The following CIT variants were observed in gnomAD, a reference collection of about 807,000 sequenced individuals.
The protein encoded by CIT is citron Rho-interacting kinase.
CIT carries 79 observed loss-of-function variants against 272.7 expected under a neutral mutation model. The ratio of observed to expected loss-of-function variants is 0.29; its 90% CI spans 0.24 to 0.35. The LOEUF (loss-of-function observed/expected upper bound fraction) is 0.35. Ranked by LOEUF, CIT falls within the 10% of genes least tolerant of loss-of-function variation. The pLI, the probability that CIT is intolerant of heterozygous loss-of-function variation, is 1.00. For missense variants in CIT, 1,909 were observed against 2,618.3 expected, an observed-to-expected ratio of 0.73 and a Z score of 5.91; for synonymous variants, 948 against 995.6, an observed-to-expected ratio of 0.95 and a Z score of 0.90.
chr12:119,704,696 G>A (rs886776742), intron 40 of CIT, among the ~76,000 whole-genome samples: 1 of 152,144 alleles, frequency 6.6e-6, no homozygotes, highest in African/African-American at 2.4e-5. Flanking sequence ...ATTACCAAAT[G>A]TCCCCTGGTA....
At chr12:119,847,769 T>TA (rs1230798736) in intron 5 of CIT, among the ~76,000 whole-genome samples, 6 of 152,010 alleles carry the variant, frequency 3.9e-5, no homozygotes, top group African/African-American at 1.4e-4. Flanking sequence ...CATGCACCTG[T>TA]AATCCCAGCT....
chr12:119,815,271 T>C (rs1456296545), intron 9 of CIT, among the ~76,000 whole-genome samples: 2 of 151,552 alleles, frequency 1.3e-5, no homozygotes, highest in African/African-American at 4.8e-5. Flanking sequence ...GGTTTTCATT[T>C]GAGAAGAGCA....
chr12:119,850,322 G>A, intron 4 of CIT, 47 bp from the exon 5 acceptor site: 1 of 1,197,594 alleles, frequency 8.4e-7, no homozygotes, highest in Non-Finnish European at 1.2e-6. Context: ...AACTGTGAGA[G>A]GAAAAAGAAG....
intron 40 of CIT, among the ~76,000 whole-genome samples, chr12:119,706,550 G>A (rs1473392261): frequency 6.6e-6 from 1 of 151,860 alleles, no homozygotes; most frequent in African/African-American, 2.4e-5. Flanking sequence ...TTGTTTTTCT[G>A]TTCCTGCATT....
intron 10 of CIT, among the ~76,000 whole-genome samples, chr12:119,796,760 G>A (rs909057223): frequency 1.3e-5 from 2 of 152,188 alleles, no homozygotes; most frequent in Non-Finnish European, 2.9e-5. Context: ...GAGATGGTAC[G>A]TACATTGCAA....
intron 7 of CIT, among the ~76,000 whole-genome samples, chr12:119,827,725 C>G (rs745728247): frequency 1.1e-4 from 17 of 152,136 alleles, no homozygotes; most frequent in Non-Finnish European, 2.2e-4. Context: ...GTGTGAGCCA[C>G]GGAGCCTGGC....
intron 7 of CIT, among the ~76,000 whole-genome samples, chr12:119,826,911 C>G (rs1968213706): frequency 6.6e-6 from 1 of 152,078 alleles, no homozygotes; most frequent in South Asian, 2.1e-4. Context: ...GTCTCCTCTC[C>G]CCGGGGCTGA....
intron 15 of CIT, among the ~76,000 whole-genome samples, 172 bp from the exon 16 acceptor site, chr12:119,776,011 G>C (rs1566025749): frequency 6.6e-6 from 1 of 152,184 alleles, no homozygotes; most frequent in Non-Finnish European, 1.5e-5. Context: ...CTTTGTCCCA[G>C]TGCAAAGCTC....
At chr12:119,719,736 T>C (rs1246892390) in intron 30 of CIT, among the ~76,000 whole-genome samples, 2 of 152,206 alleles carry the variant, frequency 1.3e-5, no homozygotes, top group Non-Finnish European at 2.9e-5. Flanking sequence ...ACTGCTGCTA[T>C]GGTATGCTTC....
At position 119,697,703 on chromosome 12, in the gene CIT, C is replaced by T. The variant is rs371938460; in HGVS notation, c.5838G>A (p.Lys1946=). 14 of 1,614,076 alleles carry T rather than the reference C, an allele frequency of 8.7e-6. No individual in the cohort carries two copies. The highest frequency in any genetic ancestry group is 9.3e-6 in the Non-Finnish European group (11 of 1,180,046). ...RVICCKGNLV[K]ESGTEHHRGP... ...CCCGGTGGTGTTCAGTGCCGGACTC[C>T]TTCACGAGGTTTCCCTTGCAGCAAA... The change falls in exon 46 of 48, where the codon AAG becomes AAA. Residue 1946 remains lysine, a synonymous_variant. Coordinates refer to ENST00000392521, the MANE Select transcript of CIT (RefSeq NM_001206999.2). This position sits in a 1 kb window ranked among gnomAD's most constrained non-coding sequence, Gnocchi z 4.9.
intron 10 of CIT, among the ~76,000 whole-genome samples, chr12:119,798,050 T>G (rs1965883120): frequency 6.6e-6 from 1 of 152,138 alleles, no homozygotes; most frequent in African/African-American, 2.4e-5. Flanking sequence ...ATAAGAACAT[T>G]CAGGGAAAGA....
intron 46 of CIT, among the ~76,000 whole-genome samples, chr12:119,695,256 G>A (rs974564442): frequency 1.3e-5 from 2 of 152,154 alleles, no homozygotes; most frequent in African/African-American, 2.4e-5. Context: ...CACAGTAGCT[G>A]TGAAAACCAG....
intron 3 of CIT, among the ~76,000 whole-genome samples, chr12:119,861,372 G>A (rs559418796): frequency 6.6e-6 from 1 of 152,162 alleles, no homozygotes; most frequent in East Asian, 1.9e-4. Context: ...GATCACCTGA[G>A]GTCAAGAGTT....
At chr12:119,828,655 T>G (rs1968356662) in intron 7 of CIT, among the ~76,000 whole-genome samples, 1 of 151,872 alleles carries the variant, frequency 6.6e-6, no homozygotes. Context: ...CTCCAGCCCC[T>G]GGGTTCAAGC....
intron 7 of CIT, among the ~76,000 whole-genome samples, chr12:119,828,564 T>C (rs1050996505): frequency 6.6e-6 from 1 of 151,230 alleles, no homozygotes; most frequent in African/African-American, 2.5e-5. Flanking sequence ...ACTACTTAAC[T>C]TAGTTAATTT....
intron 7 of CIT, among the ~76,000 whole-genome samples, chr12:119,830,723 T>C (rs559177186): frequency 6.6e-6 from 1 of 152,286 alleles, no homozygotes; most frequent in East Asian, 1.9e-4. Context: ...GAGTCAGGGA[T>C]GCAGCTAAAC....
chr12:119,849,001 C>T (rs1018298967), intron 5 of CIT, among the ~76,000 whole-genome samples: 4 of 151,838 alleles, frequency 2.6e-5, no homozygotes, highest in Non-Finnish European at 5.9e-5. Context: ...CAAAGTGAGA[C>T]CTGGTCTCAA....
intron 23 of CIT, 40 bp from the exon 24 acceptor site, chr12:119,742,504 A>G (rs201430650): frequency 1.5e-5 from 22 of 1,505,018 alleles, no homozygotes; most frequent in Non-Finnish European, 1.5e-5. Context: ...TTCATAGGGT[A>G]GAATACAATT....
chr12:119,708,526 C>A (rs2137036632), intron 39 of CIT, among the ~76,000 whole-genome samples: 1 of 151,972 alleles, frequency 6.6e-6, no homozygotes, highest in South Asian at 2.1e-4. Context: ...TGCTCTGTTG[C>A]CCACACTGGA....
Sources: gnomAD v4.1 joint callset for allele counts (sites outside exome capture counted in the v4.1 genomes callset) on GRCh38, gnomAD v4.1.1 for gene constraint, Gnocchi (gnomAD v3.1) non-coding constraint, MANE v1.5 for transcripts, NCBI Gene and HGNC (gene_info 2026-07-23, HGNC 2026-07-21) for gene names.